Variants in SPON1 observed in about 807,000 individuals in gnomAD.
The protein encoded by SPON1 is spondin 1.
Under a neutral mutation model 111.7 loss-of-function variants are expected in SPON1, and 52 were observed. That is an observed-to-expected ratio of 0.47 (90% CI 0.37 to 0.59). SPON1 has a LOEUF of 0.59. Among genes scored for constraint, SPON1 ranks in the 20% least tolerant of loss-of-function variants. The pLI is 0.00. For synonymous variants in SPON1, 410 were observed against 395.8 expected, an observed-to-expected ratio of 1.04 and a Z score of -0.43; for missense variants, 957 against 1,068.5, an observed-to-expected ratio of 0.90 and a Z score of 1.46.
intron 2 of SPON1, among the ~76,000 whole-genome samples, chr11:13,992,664 G>T (rs1332614039): frequency 1.3e-5 from 2 of 152,166 alleles, no homozygotes; most frequent in Non-Finnish European, 2.9e-5. Flanking sequence ...ACCCGGTTTT[G>T]TGCTTGAAAC....
chr11:14,176,158 G>A (rs1028013186), intron 6 of SPON1, among the ~76,000 whole-genome samples: 1 of 152,010 alleles, frequency 6.6e-6, no homozygotes, highest in Non-Finnish European at 1.5e-5. Context: ...GTGACCAGAC[G>A]AATAAGGAGG....
At chr11:14,071,178 T>G (rs1178382665) in intron 3 of SPON1, among the ~76,000 whole-genome samples, 1 of 151,982 alleles carries the variant, frequency 6.6e-6, no homozygotes, top group Non-Finnish European at 1.5e-5. Context: ...CTCAGCTGAG[T>G]TTTATAGTTT....
At chr11:14,091,027 T>C (rs1849050868) in intron 5 of SPON1, among the ~76,000 whole-genome samples, 2 of 152,034 alleles carry the variant, frequency 1.3e-5, no homozygotes, top group African/African-American at 2.4e-5. Context: ...AGCGTGTCGA[T>C]TGGTGCACTC....
intron 7 of SPON1, among the ~76,000 whole-genome samples, chr11:14,253,390 T>C (rs1849072687): frequency 1.3e-5 from 2 of 152,084 alleles, no homozygotes; most frequent in South Asian, 4.1e-4. Context: ...CCCTTTGGAG[T>C]AGACGTATGT....
At chr11:14,081,568 G>A (rs11023081) in intron 5 of SPON1, among the ~76,000 whole-genome samples, 44,667 of 151,770 alleles carry the variant, frequency 0.29, 7,220 homozygotes, top group East Asian at 0.56. Flanking sequence ...TTTGGGTTGC[G>A]TGTTGCCCAT....
At chr11:14,104,732 A>C (rs1849172038) in intron 5 of SPON1, among the ~76,000 whole-genome samples, 1 of 152,056 alleles carries the variant, frequency 6.6e-6, no homozygotes, top group Non-Finnish European at 1.5e-5. Flanking sequence ...TTTTAATAGC[A>C]TCATCTTTTT....
intron 7 of SPON1, among the ~76,000 whole-genome samples, chr11:14,248,201 G>A (rs1849012807): frequency 6.6e-6 from 1 of 152,180 alleles, no homozygotes; most frequent in Non-Finnish European, 1.5e-5. Context: ...TGACCTTACG[G>A]AGAATCCTTT....
At chr11:14,157,007 G>T (rs1847856269) in intron 6 of SPON1, among the ~76,000 whole-genome samples, 1 of 152,142 alleles carries the variant, frequency 6.6e-6, no homozygotes, top group Non-Finnish European at 1.5e-5. Context: ...AGGACGGAGA[G>T]CCAAACTATA....
chr11:14,095,084 A>T (rs771518730), intron 5 of SPON1, among the ~76,000 whole-genome samples: 1 of 152,214 alleles, frequency 6.6e-6, no homozygotes, highest in South Asian at 2.1e-4. Flanking sequence ...CAATATTATT[A>T]TCTCTCTCTT....
intron 1 of SPON1, among the ~76,000 whole-genome samples, chr11:13,982,166 A>ATATGTATGTATGTATGTATG (rs60172146): frequency 1.4e-4 from 21 of 150,984 alleles, no homozygotes; most frequent in South Asian, 6.3e-4. Context: ...AAACTTTATC[A>ATATGTATGTATGTATGTATG]TATGTATGTA....
At chr11:14,261,958 C>T (rs1272052134) in intron 14 of SPON1, among the ~76,000 whole-genome samples, 1 of 152,054 alleles carries the variant, frequency 6.6e-6, no homozygotes, top group Non-Finnish European at 1.5e-5. Flanking sequence ...TCTAAGTCCA[C>T]CACCCTGACT....
intron 6 of SPON1, among the ~76,000 whole-genome samples, chr11:14,215,539 G>A (rs1045254749): frequency 6.6e-6 from 1 of 152,148 alleles, no homozygotes; most frequent in Non-Finnish European, 1.5e-5. Flanking sequence ...CTCAAAGGCA[G>A]TATTACAAAA....
At chr11:13,988,054 A>T (rs1250074391) in intron 2 of SPON1, among the ~76,000 whole-genome samples, 1 of 152,126 alleles carries the variant, frequency 6.6e-6, no homozygotes, top group Non-Finnish European at 1.5e-5. Context: ...TTGGCTCCAT[A>T]TGAAGTTTAA....
intron 2 of SPON1, among the ~76,000 whole-genome samples, chr11:13,989,704 T>C (rs1019271904): frequency 6.6e-6 from 1 of 152,242 alleles, no homozygotes; most frequent in African/African-American, 2.4e-5. Flanking sequence ...TTTCCCTCTA[T>C]ACACTGCTTT....
At position 14,260,654 on chromosome 11, in the gene SPON1, G is replaced by A; in HGVS notation, c.1898G>A (p.Gly633Asp). 1 of 1,614,026 alleles carries A rather than the reference G, an allele frequency of 6.2e-7. No individual in the cohort carries two copies. The highest frequency in any genetic ancestry group is 8.5e-7 in the Non-Finnish European group (1 of 1,179,904). ...WSDCSVTCGK[G>D]MRTRQRMLKS... ...GACTGCAGCGTGACCTGCGGGAAGG[G>A]CATGCGAACCCGACAGCGGATGCTC... The change falls in exon 14 of 16, where the codon GGC becomes GAC. Residue 633 changes from glycine to aspartate, a missense_variant. Coordinates refer to ENST00000576479, the MANE Select transcript of SPON1 (RefSeq NM_006108.4).
intron 5 of SPON1, among the ~76,000 whole-genome samples, chr11:14,100,364 T>A (rs1554924278): frequency 6.6e-6 from 1 of 152,058 alleles, no homozygotes; most frequent in East Asian, 1.9e-4. Context: ...TATTATACAT[T>A]TCTGATTGTA....
intron 6 of SPON1, among the ~76,000 whole-genome samples, chr11:14,206,950 A>G (rs1848523764): frequency 6.6e-6 from 1 of 152,224 alleles, no homozygotes. Flanking sequence ...CAAAAAGAAC[A>G]AAGCTGGAGG....
chr11:13,969,261 C>G (rs1476156511), intron 1 of SPON1, among the ~76,000 whole-genome samples: 1 of 150,842 alleles, frequency 6.6e-6, no homozygotes, highest in Non-Finnish European at 1.5e-5. Context: ...TGTCTCATAC[C>G]TGTAGACCCA....
At chr11:14,163,838 C>T (rs1456742595) in intron 6 of SPON1, among the ~76,000 whole-genome samples, 1 of 151,946 alleles carries the variant, frequency 6.6e-6, no homozygotes, top group Admixed American at 6.6e-5. Flanking sequence ...CTCTCCAATT[C>T]CCTCCCCCGC....
Sources: allele counts gnomAD v4.1 joint callset (sites outside exome capture counted in the v4.1 genomes callset), GRCh38; gene constraint gnomAD v4.1.1; transcripts MANE v1.5; gene names NCBI Gene and HGNC (gene_info 2026-07-23, HGNC 2026-07-21).